FBXO21: variants seen among roughly 807,000 people sequenced by gnomAD.
The protein encoded by FBXO21 is F-box only protein 21.
In FBXO21, 32 loss-of-function variants were observed where a neutral mutation model predicts 76.6. That is an observed-to-expected ratio of 0.42 (90% confidence interval 0.32 to 0.56). FBXO21 has a LOEUF of 0.56. Ranked by LOEUF, FBXO21 falls within the 20% of genes least tolerant of loss-of-function variation. FBXO21 has a pLI of 0.16. For missense variants in FBXO21, 586 were observed against 797.3 expected, an observed-to-expected ratio of 0.73 and a Z score of 3.19; for synonymous variants, 328 against 311.5, an observed-to-expected ratio of 1.05 and a Z score of -0.56.
chr12:117,170,956 T>A (rs1956111391), intron 7 of FBXO21, among the ~76,000 whole-genome samples: 1 of 152,072 alleles, frequency 6.6e-6, no homozygotes, highest in South Asian at 2.1e-4. Flanking sequence ...GTCCCCACTA[T>A]CCAAAAATTA....
chr12:117,181,641 CT>C (rs1956234973), intron 3 of FBXO21, among the ~76,000 whole-genome samples: 4 of 150,338 alleles, frequency 2.7e-5, no homozygotes, highest in Non-Finnish European at 5.9e-5. Context: ...ATCTATCTAT[CT>C]ATCTAATCTA....
At chr12:117,184,288 A>G (rs1956262412) in intron 3 of FBXO21, among the ~76,000 whole-genome samples, 1 of 152,134 alleles carries the variant, frequency 6.6e-6, no homozygotes. Context: ...GGGAGAACTG[A>G]CATTTTTTGT....
intron 11 of FBXO21, among the ~76,000 whole-genome samples, chr12:117,153,223 G>A (rs865797622): frequency 3.4e-4 from 52 of 151,934 alleles, no homozygotes; most frequent in Admixed American, 3.4e-3. Context: ...AATGGAAATG[G>A]GAGACACATG....
chr12:117,182,457 C>T (rs532583607), intron 3 of FBXO21, among the ~76,000 whole-genome samples: 1 of 152,110 alleles, frequency 6.6e-6, no homozygotes, highest in Non-Finnish European at 1.5e-5. Context: ...CCACTGTACT[C>T]CAGCCTGGGC....
At chr12:117,176,747 A>G (rs558439185) in intron 4 of FBXO21, among the ~76,000 whole-genome samples, 102 of 152,286 alleles carry the variant, frequency 6.7e-4, no homozygotes, top group South Asian at 3.5e-3. Context: ...CATAGGTGAC[A>G]TAGCAAGACC....
chr12:117,166,702 T>C, intron 8 of FBXO21, among the ~76,000 whole-genome samples, 196 bp downstream of exon 8: 1 of 152,216 alleles, frequency 6.6e-6, no homozygotes, highest in Non-Finnish European at 1.5e-5. Context: ...TATGAGAAGA[T>C]CTTGCCCTTG....
intron 6 of FBXO21, among the ~76,000 whole-genome samples, chr12:117,173,021 C>G (rs1014245500): frequency 2.0e-5 from 3 of 151,540 alleles, no homozygotes; most frequent in Admixed American, 2.0e-4. Context: ...CTACATGGCC[C>G]TCAATGCTGA....
At chr12:117,184,775 T>C (rs1956267047) in intron 3 of FBXO21, among the ~76,000 whole-genome samples, 1 of 152,144 alleles carries the variant, frequency 6.6e-6, no homozygotes, top group Admixed American at 6.6e-5. Flanking sequence ...AAATAAATTA[T>C]GTAACATACC....
intron 9 of FBXO21, among the ~76,000 whole-genome samples, chr12:117,158,286 G>A (rs1179464221): frequency 4.6e-5 from 7 of 152,142 alleles, no homozygotes; most frequent in African/African-American, 1.7e-4. Flanking sequence ...TGTAACACTG[G>A]CAGCTGGCCC....
intron 11 of FBXO21, among the ~76,000 whole-genome samples, chr12:117,151,413 A>G (rs771237369): frequency 6.6e-6 from 1 of 152,214 alleles, no homozygotes; most frequent in African/African-American, 2.4e-5. Flanking sequence ...TGAAGATGTC[A>G]TATATGTATG....
intron 11 of FBXO21, among the ~76,000 whole-genome samples, chr12:117,149,292 G>A (rs1225873692): frequency 6.6e-6 from 1 of 152,056 alleles, no homozygotes. Context: ...GAGCCACCAC[G>A]CCTGGCCATG....
At chr12:117,174,386 T>A (rs1309679641) in intron 5 of FBXO21, 45 bp from the exon 6 acceptor site, 3 of 1,605,464 alleles carry the variant, frequency 1.9e-6, no homozygotes, top group Non-Finnish European at 2.6e-6. Flanking sequence ...CAAAAAAGGT[T>A]GTGACAGGTG....
At chr12:117,184,165 T>A (rs1024163655) in intron 3 of FBXO21, among the ~76,000 whole-genome samples, 1 of 150,868 alleles carries the variant, frequency 6.6e-6, no homozygotes, top group Non-Finnish European at 1.5e-5. Flanking sequence ...TTTTATGACA[T>A]CCAAATGAAA....
chr12:117,167,435 T>C (rs1235932331), intron 7 of FBXO21, among the ~76,000 whole-genome samples: 7 of 152,184 alleles, frequency 4.6e-5, no homozygotes, highest in African/African-American at 1.7e-4. Flanking sequence ...TCCTGGGCCC[T>C]GGATGATCTG....
At chr12:117,181,407 C>T (rs61572753) in intron 3 of FBXO21, among the ~76,000 whole-genome samples, 30,297 of 152,012 alleles carry the variant, frequency 0.2, 3,423 homozygotes, top group East Asian at 0.43. Flanking sequence ...AATGACTTTA[C>T]CTTTTTTGCT....
chr12:117,168,164 T>C (rs1956077326), intron 7 of FBXO21, among the ~76,000 whole-genome samples: 2 of 152,190 alleles, frequency 1.3e-5, no homozygotes, highest in Admixed American at 1.3e-4. Flanking sequence ...TCGTAGCATA[T>C]TCCTCTCTTT....
Position 117,174,662 on chromosome 12 carries a change from GC to G in FBXO21, c.727del (p.Ala243ProfsTer9). 1 of 1,614,108 alleles carries G rather than the reference GC, an allele frequency of 6.2e-7. No individual in the cohort carries two copies. The highest frequency in any genetic ancestry group is 8.5e-7 in the Non-Finnish European group (1 of 1,180,014). ...AAGCAATGCCACACCTGCCTTGAAGGCCAAGCTGGGGTGGCGACTGTTTATG... is the reference window on the plus strand; with the variant it reads ...AAGCAATGCCACACCTGCCTTGAAGGCAAGCTGGGGTGGCGACTGTTTATG... ...RGINSRHPSL[A>X]FKAGESSMIM... On this transcript the variant is annotated frameshift_variant, in exon 5 of 12. Transcript: ENST00000622495. LOFTEE classifies it high-confidence loss of function.
At position 117,143,758 on chromosome 12, in the gene FBXO21, G is replaced by A. The variant is rs904903684; in HGVS notation, c.*2329C>T. ...ATGGCTGGGCTTTCTGTCCTCAAAC[G>A]AAATTGGGCAGGCCATTTGCGTGGT... On this transcript the variant is annotated 3_prime_UTR_variant, in exon 12 of 12. Coordinates refer to ENST00000622495, the MANE Select transcript of FBXO21 (RefSeq NM_015002.3). 6.6e-6 allele frequency: 1 copy of A among 152,602 alleles called. No homozygotes were observed. The highest frequency in any genetic ancestry group is 1.5e-5 in the Non-Finnish European group (1 of 68,048). The allele number at this position is 152,602 out of a possible 1,614,324, so 9.5% of individuals were successfully genotyped here.
At position 117,174,189 on chromosome 12, in the gene FBXO21, C is replaced by T. The variant is rs1566004438; in HGVS notation, c.876+16G>A. On this transcript the variant is annotated intron_variant, in intron 6 of 11. Transcript: ENST00000622495. ...CCTATATTACTATACCCATATATTA[C>T]TGTACCTATATTTACCTGATGCATA... is the stretch of plus-strand genomic sequence containing the variant. 6.3e-7 allele frequency: 1 copy of T among 1,593,466 alleles called. No individual in the cohort carries two copies. Among genetic ancestry groups the T allele is most frequent in the Non-Finnish European group, 8.6e-7 (1 of 1,161,236 alleles).
Sources: allele counts gnomAD v4.1 joint callset (sites outside exome capture counted in the v4.1 genomes callset), GRCh38; gene constraint gnomAD v4.1.1; transcripts MANE v1.5; gene names NCBI Gene and HGNC (gene_info 2026-07-23, HGNC 2026-07-21).